The following POLR2F variants were observed in gnomAD, a reference collection of about 807,000 sequenced individuals.
The protein encoded by POLR2F is DNA-directed RNA polymerases I, II, and III subunit RPABC2.
In POLR2F, 12 loss-of-function variants were observed where a neutral mutation model predicts 22.7. The observed-to-expected ratio is 0.53, with a 90% CI of 0.34 to 0.86. The LOEUF (loss-of-function observed/expected upper bound fraction) is 0.86, where lower values mean the gene tolerates loss of function less well. Among genes scored for constraint, POLR2F ranks in the 40% least tolerant of loss-of-function variants. POLR2F has a pLI of 0.02. For missense variants in POLR2F, 126 were observed against 171.5 expected (o/e 0.73, Z 1.48); for synonymous variants, 57 against 66.0 (o/e 0.86, Z 0.66).
At chr22:37,967,581 G>A in intron 4 of POLR2F, 44 bp from the exon 5 acceptor site, 3 of 1,607,548 alleles carry the variant, frequency 1.9e-6, no homozygotes, top group Non-Finnish European at 2.5e-6. Flanking sequence ...GGCAGAGCTG[G>A]GGTCACCAGC....
At chr22:38,009,736 T>C (rs2084855281) in intron 1 of POLR2F, among the ~76,000 whole-genome samples, 1 of 152,194 alleles carries the variant, frequency 6.6e-6, no homozygotes, top group African/African-American at 2.4e-5. Flanking sequence ...CTGTATTTTC[T>C]AGAATTTTAT....
At chr22:37,966,978 C>G in intron 3 of POLR2F, 121 bp from the exon 4 acceptor site, 1 of 683,410 alleles carries the variant, frequency 1.5e-6, no homozygotes, top group Non-Finnish European at 2.5e-6. Flanking sequence ...CCCTACTGTG[C>G]CTGCCTACCT....
downstream of POLR2F, among the ~76,000 whole-genome samples, chr22:38,027,058 C>T (rs947392881): frequency 1.3e-5 from 2 of 152,122 alleles, no homozygotes; most frequent in East Asian, 1.9e-4. Context: ...TGATGGCCTG[C>T]GGGATGTGTG....
At position 37,986,407 on chromosome 22, in the gene POLR2F, G is replaced by A. The variant is rs1037743375; in HGVS notation, c.120+95G>A. On this transcript the variant is annotated intron_variant, in intron 1 of 2. Transcript: ENST00000333418. This position sits in a 1 kb window ranked among gnomAD's most constrained non-coding sequence, Gnocchi z 4.7. ...TGTGTCTGTGACTGGCCTGAGACCCGCCTGGGGCAGGAGGGGTGGTTGTGG... is the reference window on the plus strand; with the variant it reads ...TGTGTCTGTGACTGGCCTGAGACCCACCTGGGGCAGGAGGGGTGGTTGTGG... 23 of 1,531,274 alleles carry A rather than the reference G, an allele frequency of 1.5e-5. No homozygotes were observed. Among genetic ancestry groups the A allele is most frequent in the East Asian group, 4.9e-5 (2 of 40,914 alleles). The allele number at this position is 1,531,274 out of a possible 1,614,324, so 94.9% of individuals were successfully genotyped here.
intron 5 of POLR2F, among the ~76,000 whole-genome samples, chr22:38,033,347 G>A (rs929581905): frequency 6.6e-6 from 1 of 152,192 alleles, no homozygotes; most frequent in Non-Finnish European, 1.5e-5. Context: ...GAAAGCGCTT[G>A]TCCAGGGCGG....
At chr22:38,020,514 C>T (rs2084952451) in intron 1 of POLR2F, among the ~76,000 whole-genome samples, 1 of 150,778 alleles carries the variant, frequency 6.6e-6, no homozygotes, top group South Asian at 2.1e-4. Flanking sequence ...CCTGGTCCTG[C>T]CGGCCTCGGC....
At chr22:37,957,584 TTC>T (rs1413550230) in intron 2 of POLR2F, among the ~76,000 whole-genome samples, 3 of 152,232 alleles carry the variant, frequency 2.0e-5, no homozygotes, top group African/African-American at 4.8e-5. Flanking sequence ...ACATGGAGCC[TTC>T]TCTCTCTCTG....
Position 37,986,686 on chromosome 22 carries a change from G to T in POLR2F, c.120+374G>T. ...GGCTTTTTGCTGAGCAGTGTTGGGTGAGGCAGGTGGGCCTGCAGGGCGGGT... is the reference window on the plus strand; with the variant it reads ...GGCTTTTTGCTGAGCAGTGTTGGGTTAGGCAGGTGGGCCTGCAGGGCGGGT... On this transcript the variant is annotated intron_variant, in intron 1 of 2. Transcript: ENST00000333418. This position sits in a 1 kb window ranked among gnomAD's most constrained non-coding sequence, Gnocchi z 4.7. The T allele has an allele frequency of 1.9e-6, 1 of 539,672 alleles. No individual in the cohort carries two copies. Among genetic ancestry groups the T allele is most frequent in the Non-Finnish European group, 3.5e-6 (1 of 282,006 alleles). The allele number at this position is 539,672 out of a possible 1,614,324, so 33.4% of individuals were successfully genotyped here. A position where few individuals can be genotyped will look rare whatever the true frequency, so the allele number is the denominator to read the frequency against.
chr22:38,013,092 CTT>C (rs2084885766), intron 1 of POLR2F, among the ~76,000 whole-genome samples: 1 of 23,750 alleles, frequency 4.2e-5, no homozygotes, highest in Non-Finnish European at 7.6e-5. Context: ...CCTTCCTTCC[CTT>C]CCTTCCCTTC....
chr22:38,023,780 C>G (rs191489155), intron 1 of POLR2F, among the ~76,000 whole-genome samples: 1 of 152,026 alleles, frequency 6.6e-6, no homozygotes, highest in Non-Finnish European at 1.5e-5. Context: ...TCAAGTGATT[C>G]CCCTGCCTCA....
chr22:38,035,357 C>G (rs977028622), intron 5 of POLR2F, among the ~76,000 whole-genome samples: 1 of 152,204 alleles, frequency 6.6e-6, no homozygotes, highest in African/African-American at 2.4e-5. Flanking sequence ...GAGGGATAAG[C>G]CCATTTGACA....
upstream of POLR2F, among the ~76,000 whole-genome samples, chr22:37,985,818 A>AACACACACACACACACACACAC (rs60447362): frequency 1.4e-5 from 2 of 144,490 alleles, no homozygotes; most frequent in East Asian, 4.2e-4. Context: ...CAGACACTGG[A>AACACACACACACACACACACAC]ACACACACAC....
intron 1 of POLR2F, among the ~76,000 whole-genome samples, chr22:38,020,214 C>CACAT (rs1432446328): frequency 6.7e-6 from 1 of 149,418 alleles, no homozygotes; most frequent in Non-Finnish European, 1.5e-5. Flanking sequence ...TATACACACA[C>CACAT]ACACACACAC....
At chr22:37,959,250 G>A in intron 2 of POLR2F, 96 bp from the exon 3 acceptor site, 1 of 1,271,672 alleles carries the variant, frequency 7.9e-7, no homozygotes, top group Non-Finnish European at 1.1e-6. Flanking sequence ...CATTAACGGT[G>A]GCTGTAGCGA....
At chr22:37,957,660 C>T (rs773151602) in intron 2 of POLR2F, among the ~76,000 whole-genome samples, 16 of 152,132 alleles carry the variant, frequency 1.1e-4, no homozygotes, top group African/African-American at 3.6e-4. Flanking sequence ...TTCTGGTCCC[C>T]TTCCCATCCC....
chr22:38,031,071 C>G (rs553953936), downstream of POLR2F, among the ~76,000 whole-genome samples: 1 of 152,156 alleles, frequency 6.6e-6, no homozygotes, highest in South Asian at 2.1e-4. This position sits in a 1 kb window ranked among gnomAD's most constrained non-coding sequence, Gnocchi z 4.1. Flanking sequence ...CGGGTCTTGG[C>G]AAGTGTCGGT....
intron 1 of POLR2F, chr22:37,987,061 C>A (rs978365276): frequency 2.6e-5 from 12 of 456,600 alleles, no homozygotes; most frequent in African/African-American, 2.4e-4. Flanking sequence ...CCTTACCCCA[C>A]CCCCCATCAC....
chr22:38,027,157 C>T (rs993719381), downstream of POLR2F, among the ~76,000 whole-genome samples: 4 of 152,132 alleles, frequency 2.6e-5, no homozygotes, highest in Non-Finnish European at 4.4e-5. Flanking sequence ...GACTCGTTAG[C>T]GTATGGGGGA....
chr22:38,020,835 T>G (rs1569182439), intron 1 of POLR2F, among the ~76,000 whole-genome samples: 2 of 152,120 alleles, frequency 1.3e-5, no homozygotes, highest in Non-Finnish European at 1.5e-5. Context: ...TTGCCATGGT[T>G]TTCTTGGTTC....
Sources: gnomAD v4.1 joint callset for allele counts (sites outside exome capture counted in the v4.1 genomes callset) on GRCh38, gnomAD v4.1.1 for gene constraint, Gnocchi (gnomAD v3.1) non-coding constraint, MANE v1.5 for transcripts, NCBI Gene and HGNC (gene_info 2026-07-23, HGNC 2026-07-21) for gene names.